MYO1H: variants seen among roughly 807,000 people sequenced by gnomAD.
MYO1H encodes unconventional myosin-Ih.
In MYO1H, 118 loss-of-function variants were observed where a neutral mutation model predicts 149.3. That is an observed-to-expected ratio of 0.79 (90% CI 0.68 to 0.92). The LOEUF (loss-of-function observed/expected upper bound fraction) is 0.92. Among genes scored for constraint, MYO1H ranks in the 40% least tolerant of loss-of-function variants. The pLI, the probability that MYO1H is intolerant of heterozygous loss-of-function variation, is 0.00. For missense variants in MYO1H, 1,212 were observed against 1,280.7 expected (o/e 0.95, Z 0.82); for synonymous variants, 447 against 465.2 (o/e 0.96, Z 0.50).
intron 3 of MYO1H, 85 bp downstream of exon 3, chr12:109,393,531 C>CCATCCATT (rs1165545716): frequency 2.2e-5 from 18 of 819,328 alleles, no homozygotes; most frequent in Middle Eastern, 2.2e-4. Context: ...ACGCATCTGT[C>CCATCCATT]CATCCATTCA....
At chr12:109,344,463 T>G (rs1488818511), upstream of MYO1H, among the ~76,000 whole-genome samples, 2 of 152,132 alleles carry the variant, frequency 1.3e-5, no homozygotes, top group Admixed American at 1.3e-4. Context: ...AACTATAAAG[T>G]GTCATTGAAA....
chr12:109,340,481 A>G, the MYO1H span, among the ~76,000 whole-genome samples: 39 of 152,246 alleles, frequency 2.6e-4, no homozygotes, highest in South Asian at 4.1e-3. Flanking sequence ...GGTCATTTTT[A>G]ACACCCCCCT....
At chr12:109,446,778 A>G (rs910612230) in intron 31 of MYO1H, among the ~76,000 whole-genome samples, 3 of 152,350 alleles carry the variant, frequency 2.0e-5, no homozygotes, top group Middle Eastern at 3.4e-3. Flanking sequence ...AAATAAAATC[A>G]TTTTGTAGAT....
chr12:109,350,430 T>C (rs1367563470), intron 1 of MYO1H, among the ~76,000 whole-genome samples: 1 of 152,182 alleles, frequency 6.6e-6, no homozygotes, highest in Non-Finnish European at 1.5e-5. Flanking sequence ...TGAGATCTGA[T>C]GGTCTTATAA....
At chr12:109,406,251 C>A (rs942651878) in intron 8 of MYO1H, among the ~76,000 whole-genome samples, 2 of 151,902 alleles carry the variant, frequency 1.3e-5, no homozygotes, top group Non-Finnish European at 2.9e-5. Context: ...TAATAACGCA[C>A]AATGATCAGT....
intron 7 of MYO1H, among the ~76,000 whole-genome samples, chr12:109,404,375 C>T (rs141466375): frequency 0.033 from 5,021 of 152,186 alleles, 118 homozygotes; most frequent in Middle Eastern, 0.065. Context: ...CCAGCTACTC[C>T]GGAGACGGAG....
chr12:109,326,917 A>G, the MYO1H span, among the ~76,000 whole-genome samples: 4 of 152,028 alleles, frequency 2.6e-5, no homozygotes, highest in African/African-American at 9.7e-5. Context: ...ATTCTGCCAA[A>G]CTTATAAACT....
At chr12:109,422,150 G>A (rs2135574136) in intron 16 of MYO1H, among the ~76,000 whole-genome samples, 1 of 152,226 alleles carries the variant, frequency 6.6e-6, no homozygotes, top group South Asian at 2.1e-4. Context: ...CCCCTATTTT[G>A]TATTAAAATA....
intron 19 of MYO1H, among the ~76,000 whole-genome samples, chr12:109,430,083 G>A (rs1871546233): frequency 6.6e-6 from 1 of 152,216 alleles, no homozygotes; most frequent in African/African-American, 2.4e-5. Flanking sequence ...CCATCACATT[G>A]GGAGTTAGAT....
rs1361730143 is a variant in MYO1H at position 109,443,057 on chromosome 12, T to C, written c.2689-457T>C. 7.1e-4 allele frequency among the ~76,000 whole-genome samples: 70 copies of C among 99,196 alleles called. 5 individuals are homozygous for C. The highest frequency in any genetic ancestry group is 9.8e-4 in the African/African-American group (20 of 20,344). 65.1% of individuals were successfully genotyped at this position (99,196 alleles called of 152,430 possible). Reference sequence around the variant, plus strand: ...GTGTGTGTGTGTGTGTATATATGTGTACGTATGTGTGTATATATGTGTACG... The same window carrying C: ...GTGTGTGTGTGTGTGTATATATGTGCACGTATGTGTGTATATATGTGTACG... On this transcript the variant is annotated intron_variant, in intron 27 of 31. Coordinates refer to ENST00000310903, the Ensembl canonical transcript of MYO1H.
intron 1 of MYO1H, among the ~76,000 whole-genome samples, chr12:109,358,795 A>ATTTT (rs11327582): frequency 1.6e-5 from 2 of 123,552 alleles, no homozygotes. Context: ...AGGCTTTAAG[A>ATTTT]TTTTTTTTTT....
At chr12:109,439,656 A>C (rs1489530059) in exon 24 of MYO1H, 1 of 1,613,554 alleles carries the variant, frequency 6.2e-7, no homozygotes. Flanking sequence ...CATCAGTCGC[A>C]ACAAACCCCT....
intron 1 of MYO1H, among the ~76,000 whole-genome samples, chr12:109,371,185 A>G (rs1868974596): frequency 6.7e-6 from 1 of 148,624 alleles, no homozygotes; most frequent in Non-Finnish European, 1.5e-5. Flanking sequence ...ATGTGTACAC[A>G]CGTACATTGG....
intron 15 of MYO1H, 42 bp from the exon 16 acceptor site, chr12:109,420,939 C>A: frequency 9.7e-7 from 1 of 1,034,240 alleles, no homozygotes; most frequent in African/African-American, 1.6e-5. Flanking sequence ...TATTTTTAGG[C>A]AGAGACATTG....
intron 16 of MYO1H, among the ~76,000 whole-genome samples, chr12:109,424,110 G>C (rs913928079): frequency 6.6e-6 from 1 of 152,172 alleles, no homozygotes; most frequent in African/African-American, 2.4e-5. Context: ...CACACTGTAT[G>C]TGTGGTTTTG....
chr12:109,343,762 G>A (rs10850058), upstream of MYO1H, among the ~76,000 whole-genome samples: 81,445 of 152,036 alleles, frequency 0.54, 22,687 homozygotes, highest in African/African-American at 0.67. Context: ...CATAGAAGAC[G>A]TTATTGAAGT....
Position 109,350,482 on chromosome 12 carries a change from G to A in MYO1H, c.12+2510G>A, listed in dbSNP as rs530704060. Among the ~76,000 whole-genome samples the A allele has an allele frequency of 4.0e-4, 61 of 152,240 alleles. 1 individual carries two copies. The South Asian group carries it at 0.011, about 28-fold the overall frequency. ...CTTGGCTCTCATTCTCTTCTCTGCC[G>A]CCATGTGAGGCATGGCTTTCACCTT... On this transcript the variant is annotated intron_variant, in intron 1 of 31. Transcript: ENST00000310903.
At chr12:109,411,777 T>A in intron 13 of MYO1H, 117 bp from the exon 14 acceptor site, 1 of 669,770 alleles carries the variant, frequency 1.5e-6, no homozygotes, top group South Asian at 2.1e-5. Context: ...CACCTGCACT[T>A]ACATGAATTG....
At chr12:109,329,645 C>A in the MYO1H span, among the ~76,000 whole-genome samples, 1 of 152,180 alleles carries the variant, frequency 6.6e-6, no homozygotes, top group Non-Finnish European at 1.5e-5. Context: ...GTCTGTAGAT[C>A]TTTTGGTTCC....
Sources: gnomAD v4.1 joint callset for allele counts (sites outside exome capture counted in the v4.1 genomes callset) on GRCh38, gnomAD v4.1.1 for gene constraint, MANE v1.5 for transcripts, NCBI Gene and HGNC (gene_info 2026-07-23, HGNC 2026-07-21) for gene names.